Variants in PDGFD observed in about 807,000 individuals in gnomAD.
PDGFD encodes platelet-derived growth factor D.
PDGFD carries 30 observed loss-of-function variants against 44.7 expected under a neutral mutation model. The observed-to-expected ratio is 0.67, with a 90% CI of 0.50 to 0.91. The LOEUF (loss-of-function observed/expected upper bound fraction) is 0.91. Among genes scored for constraint, PDGFD ranks in the 40% least tolerant of loss-of-function variants. The probability of loss-of-function intolerance (pLI) is 0.00; values close to 1 mark genes in which losing one functional copy is unlikely to be tolerated. For missense variants in PDGFD, 445 were observed against 457.8 expected (o/e 0.97, Z 0.25); for synonymous variants, 173 against 168.4 (o/e 1.03, Z -0.21).
At chr11:104,062,033 C>T (rs1202884913) in intron 1 of PDGFD, among the ~76,000 whole-genome samples, 1 of 152,168 alleles carries the variant, frequency 6.6e-6, no homozygotes, top group Middle Eastern at 3.2e-3. Context: ...GTTTTTCTCA[C>T]GTTTCGTGGA....
intron 3 of PDGFD, 123 bp from the exon 4 acceptor site, chr11:103,947,847 A>T (rs11226084): frequency 2.9e-4 from 209 of 732,974 alleles, no homozygotes; most frequent in Non-Finnish European, 4.6e-4. Flanking sequence ...ATAGGGCTAT[A>T]TTCCTGCTGA....
intron 5 of PDGFD, 150 bp downstream of exon 5, chr11:103,943,302 A>T: frequency 2.8e-6 from 2 of 709,962 alleles, no homozygotes; most frequent in Non-Finnish European, 4.6e-6. Context: ...ATACTGAGCC[A>T]GCAAGTATAA....
At chr11:104,135,117 T>C (rs771427216) in intron 1 of PDGFD, among the ~76,000 whole-genome samples, 2 of 150,890 alleles carry the variant, frequency 1.3e-5, no homozygotes, top group African/African-American at 4.9e-5. Flanking sequence ...TTATATTAAA[T>C]AGACAATCAC....
chr11:103,956,718 C>T (rs1361009418), intron 3 of PDGFD, among the ~76,000 whole-genome samples: 1 of 152,054 alleles, frequency 6.6e-6, no homozygotes, highest in South Asian at 2.1e-4. Context: ...TCCTCTCCAG[C>T]ACCTGTTGTT....
chr11:104,024,166 A>C (rs1044226512), intron 1 of PDGFD, among the ~76,000 whole-genome samples: 5 of 151,892 alleles, frequency 3.3e-5, no homozygotes, highest in African/African-American at 4.8e-5. Flanking sequence ...TGAGTATCGA[A>C]AATAAGTTTT....
intron 5 of PDGFD, among the ~76,000 whole-genome samples, chr11:103,932,581 T>G (rs1000304396): frequency 6.6e-6 from 1 of 152,210 alleles, no homozygotes; most frequent in African/African-American, 2.4e-5. Context: ...TTTTTATCCC[T>G]TCTCTTCTAG....
At chr11:104,120,062 T>C (rs1014576126) in intron 1 of PDGFD, among the ~76,000 whole-genome samples, 10 of 148,942 alleles carry the variant, frequency 6.7e-5, no homozygotes, top group African/African-American at 2.5e-4. Flanking sequence ...ATATATGTCC[T>C]ATGATTTTTC....
chr11:103,981,740 G>C (rs1244679455), intron 3 of PDGFD, among the ~76,000 whole-genome samples: 1 of 151,758 alleles, frequency 6.6e-6, no homozygotes, highest in African/African-American at 2.4e-5. Context: ...GAAAGCTCTT[G>C]AGGCCTTAGT....
intron 1 of PDGFD, chr11:104,037,684 G>A: frequency 4.3e-6 from 7 of 1,614,132 alleles, no homozygotes; most frequent in Non-Finnish European, 5.9e-6. Context: ...ACGGTGGGCT[G>A]GGGTTGCTAA....
chr11:104,007,918 T>C (rs1213317221), intron 1 of PDGFD, among the ~76,000 whole-genome samples: 1 of 152,210 alleles, frequency 6.6e-6, no homozygotes, highest in Non-Finnish European at 1.5e-5. Context: ...GTTGACAAAA[T>C]AGGAAGCAAA....
chr11:103,939,604 T>C (rs1012269392), intron 5 of PDGFD, among the ~76,000 whole-genome samples: 13 of 152,108 alleles, frequency 8.5e-5, no homozygotes, highest in African/African-American at 2.7e-4. Flanking sequence ...TGTAGTTTAG[T>C]TTTAGTTAAA....
At chr11:104,062,081 C>T (rs1860726631) in intron 1 of PDGFD, among the ~76,000 whole-genome samples, 1 of 152,208 alleles carries the variant, frequency 6.6e-6, no homozygotes, top group Admixed American at 6.5e-5. Context: ...TCTAGTCAAG[C>T]CTAAGCTTTT....
chr11:104,021,333 G>A lies in PDGFD; in HGVS notation c.125-21078C>T, dbSNP rs114774345. ...GATATGATAGATTGCATTATTGTTC[G>A]AGTTCTTCATCTTTCTATAGTTTCC... On this transcript the variant is annotated intron_variant, in intron 1 of 6. Coordinates refer to ENST00000393158, the MANE Select transcript of PDGFD (RefSeq NM_025208.5). Among the ~76,000 whole-genome samples the A allele has an allele frequency of 6.4e-3, 969 of 152,228 alleles. 15 individuals are homozygous for A. Among genetic ancestry groups the A allele is most frequent in the African/African-American group, 0.022 (903 of 41,540 alleles).
intron 1 of PDGFD, among the ~76,000 whole-genome samples, chr11:104,139,832 T>C (rs1565346466): frequency 1.7e-5 from 1 of 59,296 alleles, no homozygotes; most frequent in Non-Finnish European, 2.8e-5. Flanking sequence ...GGTCAGGAGA[T>C]CGAGACCATC....
intron 1 of PDGFD, among the ~76,000 whole-genome samples, chr11:104,004,214 T>G (rs1057297112): frequency 6.6e-6 from 1 of 152,196 alleles, no homozygotes; most frequent in Non-Finnish European, 1.5e-5. Context: ...GGGGCTTTCC[T>G]TCTTATGTAG....
chr11:103,928,515 G>C (rs891886073), intron 5 of PDGFD, among the ~76,000 whole-genome samples: 1 of 152,220 alleles, frequency 6.6e-6, no homozygotes, highest in African/African-American at 2.4e-5. Flanking sequence ...ATGCATCTAA[G>C]GAAAATTGCA....
At chr11:104,161,829 A>AT (rs1156512826) in intron 1 of PDGFD, among the ~76,000 whole-genome samples, 1 of 152,108 alleles carries the variant, frequency 6.6e-6, no homozygotes, top group African/African-American at 2.4e-5. Flanking sequence ...GAATATTAAC[A>AT]TTTTTTACTC....
intron 3 of PDGFD, among the ~76,000 whole-genome samples, chr11:103,956,308 C>T (rs1006573637): frequency 9.3e-5 from 14 of 151,046 alleles, no homozygotes; most frequent in Admixed American, 2.0e-4. Flanking sequence ...TGAGAACAGG[C>T]GGTGTTTGGT....
chr11:104,050,106 G>A lies in PDGFD; in HGVS notation c.125-49851C>T, dbSNP rs547618689. Among the ~76,000 whole-genome samples the A allele has an allele frequency of 3.2e-4, 49 of 152,236 alleles. No homozygotes were observed. In the South Asian group the frequency reaches 6.9e-3, roughly 21 times the overall value. ...TATACGTTATATGTCCAGTGGGAGGGAGAGTCTGAAAAAGCAAGAGAGAAC... is the reference window on the plus strand; with the variant it reads ...TATACGTTATATGTCCAGTGGGAGGAAGAGTCTGAAAAAGCAAGAGAGAAC... On this transcript the variant is annotated intron_variant, in intron 1 of 6. Coordinates refer to ENST00000393158, the MANE Select transcript of PDGFD (RefSeq NM_025208.5).
Sources: gnomAD v4.1 joint callset for allele counts (sites outside exome capture counted in the v4.1 genomes callset) on GRCh38, gnomAD v4.1.1 for gene constraint, MANE v1.5 for transcripts, NCBI Gene and HGNC (gene_info 2026-07-23, HGNC 2026-07-21) for gene names.